The following MEF2D variants were observed in gnomAD, a reference collection of about 807,000 sequenced individuals.
The protein encoded by MEF2D is myocyte-specific enhancer factor 2D.
In MEF2D, 10 loss-of-function variants were observed where a neutral mutation model predicts 59.3. The observed-to-expected ratio is 0.17, with a 90% confidence interval of 0.10 to 0.29. MEF2D has a LOEUF of 0.29. Among genes scored for constraint, MEF2D ranks in the 10% least tolerant of loss-of-function variants. The pLI, the probability that MEF2D is intolerant of heterozygous loss-of-function variation, is 1.00. For missense variants in MEF2D, 508 were observed against 699.4 expected, an observed-to-expected ratio of 0.73 and a Z score of 3.09; for synonymous variants, 305 against 295.0, an observed-to-expected ratio of 1.03 and a Z score of -0.35.
intron 7 of MEF2D, 96 bp downstream of exon 7, chr1:156,476,916 G>T (rs1671648828): frequency 7.0e-7 from 1 of 1,421,966 alleles, no homozygotes; most frequent in Admixed American, 1.8e-5. Flanking sequence ...CCTAACTGCT[G>T]GCTAGCCTTC....
intron 9 of MEF2D, among the ~76,000 whole-genome samples, chr1:156,473,333 A>G (rs1256419600): frequency 1.3e-5 from 2 of 152,048 alleles, no homozygotes; most frequent in Non-Finnish European, 2.9e-5. Flanking sequence ...GGATTTTTAC[A>G]TGTGGGGAGG....
intron 1 of MEF2D, among the ~76,000 whole-genome samples, chr1:156,484,915 C>A (rs1325472907): frequency 1.3e-5 from 2 of 152,170 alleles, no homozygotes; most frequent in African/African-American, 4.8e-5. Context: ...ACTTCAGGGC[C>A]CCCTCTAGCT....
chr1:156,491,621 C>A (rs1465888324), intron 1 of MEF2D, among the ~76,000 whole-genome samples: 2 of 152,348 alleles, frequency 1.3e-5, no homozygotes, highest in Non-Finnish European at 2.9e-5. Context: ...AATCCCCTCA[C>A]ACACTGGGAA....
chr1:156,481,423 G>A (rs1672009903), intron 3 of MEF2D, among the ~76,000 whole-genome samples: 1 of 152,186 alleles, frequency 6.6e-6, no homozygotes, highest in Non-Finnish European at 1.5e-5. Context: ...CCTGGGCTCT[G>A]CTTAGGAGAA....
intron 9 of MEF2D, among the ~76,000 whole-genome samples, chr1:156,470,429 A>G (rs868740432): frequency 4.0e-5 from 6 of 151,562 alleles, no homozygotes; most frequent in African/African-American, 1.5e-4. Flanking sequence ...AAAAAAAAAA[A>G]AAAGAAAGAA....
Position 156,468,023 on chromosome 1 carries a change from T to A in MEF2D, c.1524A>T (p.Ser508=). The A allele has an allele frequency of 1.2e-6, 2 of 1,613,694 alleles. No homozygotes were observed. The highest frequency in any genetic ancestry group is 1.7e-6 in the Non-Finnish European group (2 of 1,179,904). Residue 508 remains serine, a synonymous_variant, in exon 11 of 12, where the codon TCA becomes TCT. Coordinates refer to ENST00000348159, the MANE Select transcript of MEF2D (RefSeq NM_005920.4). The surrounding 1 kb of genome is among the most constrained non-coding windows in gnomAD (Gnocchi z 4.3). The stretch of plus-strand genomic sequence containing the variant: ...TATCAAGCCGCATCCTCTTCACAGC[T>A]GAGCCCTCAGCCTCAGGCTCTGGGG... ...RPAPEPEAEG[S]AVKRMRLDTW... is the part of the protein sequence containing the mutation.
At chr1:156,479,037 A>G (rs1437712596) in intron 6 of MEF2D, among the ~76,000 whole-genome samples, 1 of 152,144 alleles carries the variant, frequency 6.6e-6, no homozygotes, top group African/African-American at 2.4e-5. Flanking sequence ...TTCCCTTCCA[A>G]CTAGAAATGC....
rs1478673765 is a variant in MEF2D at position 156,466,933 on chromosome 1, T to G, written c.*712A>C. On this transcript the variant is annotated 3_prime_UTR_variant, in exon 12 of 12. Transcript: ENST00000348159. ...GAGAGGCCCCCACCTCAAACCCCTGTCTCCAGCCTCAGATTCCCAGGCTGC... is the reference window on the plus strand; with the variant it reads ...GAGAGGCCCCCACCTCAAACCCCTGGCTCCAGCCTCAGATTCCCAGGCTGC... 6.6e-6 allele frequency: 1 copy of G among 152,546 alleles called. No individual in the cohort carries two copies. Among genetic ancestry groups the G allele is most frequent in the Non-Finnish European group, 1.5e-5 (1 of 68,250 alleles). 9.4% of individuals were successfully genotyped at this position (152,546 alleles called of 1,614,324 possible).
chr1:156,468,942 G>A lies in MEF2D; in HGVS notation c.1085C>T (p.Thr362Ile). 1.2e-6 allele frequency: 2 copies of A among 1,614,004 alleles called. No individual in the cohort carries two copies. The highest frequency in any genetic ancestry group is 1.7e-6 in the Non-Finnish European group (2 of 1,179,942). Reference sequence around the variant, plus strand: ...GGGCTGCTGTGGCTGTTGCCAGGCAGTGACATTGCCTAGCGACAGCCCCCC... The same window carrying A: ...GGGCTGCTGTGGCTGTTGCCAGGCAATGACATTGCCTAGCGACAGCCCCCC... ...SPGGLSLGNV[T>I]AWQQPQQPQQ... Residue 362 changes from threonine (T) to isoleucine (I), a missense_variant, in exon 10 of 12, where the codon ACT becomes ATT. By Grantham distance (89) the Thr-to-Ile change is moderately conservative. This residue lies in a region of MEF2D where 481 missense variants were observed against 584.7 expected (regional missense o/e 0.82). Coordinates refer to ENST00000348159, the MANE Select transcript of MEF2D (RefSeq NM_005920.4). This position sits in a 1 kb window ranked among gnomAD's most constrained non-coding sequence, Gnocchi z 4.3.
Position 156,468,782 on chromosome 1 carries a change from G to A in MEF2D, c.1245C>T (p.Leu415=). 1 of 1,609,988 alleles carries A rather than the reference G, an allele frequency of 6.2e-7. No individual in the cohort carries two copies. The highest frequency in any genetic ancestry group is 8.5e-7 in the Non-Finnish European group (1 of 1,176,588). Residue 415 remains leucine, a splice_region_variant and synonymous_variant, in exon 10 of 12, where the codon CTC becomes CTT. Transcript: ENST00000348159. The surrounding 1 kb of genome is among the most constrained non-coding windows in gnomAD (Gnocchi z 4.3). ...SHLVPVSLSN[L]IPGSPLPHVG... Reference sequence around the variant, plus strand: ...CATGCAGTCTCCCCAGGACTCACATGAGGTTGCTGAGAGATACAGGGACCA... The same window carrying A: ...CATGCAGTCTCCCCAGGACTCACATAAGGTTGCTGAGAGATACAGGGACCA...
intron 9 of MEF2D, among the ~76,000 whole-genome samples, chr1:156,470,589 G>A (rs1308543037): frequency 3.3e-5 from 5 of 152,112 alleles, no homozygotes. Flanking sequence ...ATGCAGGGAA[G>A]ACAGTATTAT....
chr1:156,492,422 T>C (rs1672858692), intron 1 of MEF2D, among the ~76,000 whole-genome samples: 7 of 152,194 alleles, frequency 4.6e-5, no homozygotes, highest in Admixed American at 3.3e-4. Flanking sequence ...TGGGAGGGCA[T>C]GGAGGCCCCA....
intron 9 of MEF2D, among the ~76,000 whole-genome samples, chr1:156,474,632 G>C (rs1671446541): frequency 6.6e-6 from 1 of 151,582 alleles, no homozygotes; most frequent in South Asian, 2.1e-4. Context: ...GCAACAGAGA[G>C]ACCTTGTCTG....
intron 1 of MEF2D, among the ~76,000 whole-genome samples, chr1:156,491,932 T>C (rs1672827683): frequency 6.6e-6 from 1 of 152,242 alleles, no homozygotes; most frequent in South Asian, 2.1e-4. Flanking sequence ...TGTTCCCATC[T>C]TTCCCCTCCA....
At chr1:156,492,262 G>A (rs185434002) in intron 1 of MEF2D, among the ~76,000 whole-genome samples, 2 of 152,334 alleles carry the variant, frequency 1.3e-5, no homozygotes, top group East Asian at 3.9e-4. Flanking sequence ...GTGCAGGGTG[G>A]GAGTAAATGG....
chr1:156,468,717 CCCT>C lies in MEF2D; in HGVS notation c.1247+60_1247+62del. On this transcript the variant is annotated intron_variant, in intron 10 of 11. Coordinates refer to ENST00000348159, the MANE Select transcript of MEF2D (RefSeq NM_005920.4). This position sits in a 1 kb window ranked among gnomAD's most constrained non-coding sequence, Gnocchi z 4.3. ...GCAGGGAACCCAGCTCCCAAGAGGT[CCCT>C]CCTCTTCCCGTTCAATTCTCCCTTC... 6.4e-7 allele frequency: 1 copy of C among 1,568,638 alleles called. No individual in the cohort carries two copies. The highest frequency in any genetic ancestry group is 8.7e-7 in the Non-Finnish European group (1 of 1,151,386).
chr1:156,476,928 T>C (rs1671650045), intron 7 of MEF2D, 84 bp downstream of exon 7: 3 of 1,498,946 alleles, frequency 2.0e-6, no homozygotes, highest in Non-Finnish European at 2.8e-6. Context: ...CTAGCCTTCA[T>C]CTCTCCTGCT....
rs965494345 is a variant in MEF2D, at chr1:156,468,821, C to T, written c.1206G>A (p.Gln402=). ...ATACAGGGACCAGGTGGGACTGTTG[C>T]TGAGGTGGCTGTTGCGGCTGCTGAG... ...QQPQQPQQPP[Q]QQSHLVPVSL... is the part of the protein sequence containing the mutation. Residue 402 remains glutamine, a synonymous_variant, in exon 10 of 12, where the codon CAG becomes CAA. Coordinates refer to ENST00000348159, the MANE Select transcript of MEF2D (RefSeq NM_005920.4). This position sits in a 1 kb window ranked among gnomAD's most constrained non-coding sequence, Gnocchi z 4.3. 1 of 1,614,024 alleles carries T rather than the reference C, an allele frequency of 6.2e-7. No individual in the cohort carries two copies. Among genetic ancestry groups the T allele is most frequent in the Admixed American group, 1.7e-5 (1 of 60,006 alleles).
intron 9 of MEF2D, among the ~76,000 whole-genome samples, chr1:156,474,106 G>A (rs768244141): frequency 6.6e-6 from 1 of 152,102 alleles, no homozygotes; most frequent in Admixed American, 6.6e-5. Context: ...GTCCTGTCTC[G>A]TCCTCAGGCT....
Sources: allele counts gnomAD v4.1 joint callset (sites outside exome capture counted in the v4.1 genomes callset), GRCh38; gene constraint gnomAD v4.1.1; regional missense constraint gnomAD v4.1.1; non-coding constraint Gnocchi (gnomAD v3.1); transcripts MANE v1.5; gene names NCBI Gene and HGNC (gene_info 2026-07-23, HGNC 2026-07-21).